Variants in CECR2 observed in about 807,000 individuals in gnomAD.
CECR2 encodes the protein CECR2 histone acetyl-lysine reader.
CECR2 carries 30 observed loss-of-function variants against 154.5 expected under a neutral mutation model. The ratio of observed to expected loss-of-function variants is 0.19; its 90% CI spans 0.15 to 0.26. The LOEUF is 0.26. CECR2 is among the 10% of genes least tolerant of loss of function. The pLI is 1.00. For missense variants in CECR2, 1,743 were observed against 1,829.3 expected, an observed-to-expected ratio of 0.95 and a Z score of 0.86; for synonymous variants, 725 against 683.7, an observed-to-expected ratio of 1.06 and a Z score of -0.94.
chr22:17,374,654 G>A (rs1169580739), intron 1 of CECR2, among the ~76,000 whole-genome samples: 2 of 152,194 alleles, frequency 1.3e-5, no homozygotes, highest in African/African-American at 4.8e-5. Flanking sequence ...CTAGGAGTTA[G>A]GAAACTTGTA....
Position 17,548,811 on chromosome 22 carries a change from G to A in CECR2, c.3524G>A (p.Arg1175Gln), listed in dbSNP as rs777144786. 86 of 1,613,516 alleles carry A rather than the reference G, an allele frequency of 5.3e-5. No individual in the cohort carries two copies. Among genetic ancestry groups the A allele is most frequent in the Admixed American group, 1.8e-4 (11 of 59,976 alleles). ...SNHPHSGGFP[R>Q]YRPPQGMRYS... Reference sequence around the variant, plus strand: ...CACCCACATTCTGGAGGCTTTCCCCGGTATCGCCCCCCACAAGGAATGAGG... The same window carrying A: ...CACCCACATTCTGGAGGCTTTCCCCAGTATCGCCCCCCACAAGGAATGAGG... Residue 1175 changes from arginine to glutamine, a missense_variant, in exon 17 of 19, where the codon CGG becomes CAG. Coordinates refer to ENST00000262608, the MANE Select transcript of CECR2 (RefSeq NM_001290047.2).
Position 17,369,631 on chromosome 22 carries a change from C to T in CECR2, c.-153C>T, listed in dbSNP as rs2063030385. 1 of 146,978 alleles carries T rather than the reference C, an allele frequency of 6.8e-6. No homozygotes were observed. The highest frequency in any genetic ancestry group is 2.4e-5 in the African/African-American group (1 of 40,848). 9.1% of individuals were successfully genotyped at this position (146,978 alleles called of 1,614,324 possible). On this transcript the variant is annotated 5_prime_UTR_variant, in exon 1 of 19. Transcript: ENST00000262608. ...CCCGCCCGGCGCCCGCCCTCGGCTC[C>T]TGCACTCGCCGAGCGGCGGCAGCAG...
chr22:17,532,240 C>T (rs1254484888), intron 9 of CECR2, among the ~76,000 whole-genome samples: 1 of 152,110 alleles, frequency 6.6e-6, no homozygotes, highest in East Asian at 1.9e-4. Flanking sequence ...CCATAACAAC[C>T]TACATTAACC....
In CECR2 at chr22:17,554,686, T is replaced by C. The variant is rs771983755; in HGVS notation, c.*1846T>C. On this transcript the variant is annotated 3_prime_UTR_variant, in exon 19 of 19. Transcript: ENST00000262608. ...AGATTTTCTCTCAGAGAGGTTTTAATTTTAAATTTGATGTATTTGCAAGTG... is the reference window on the plus strand; with the variant it reads ...AGATTTTCTCTCAGAGAGGTTTTAACTTTAAATTTGATGTATTTGCAAGTG... 2 of 152,204 alleles carry C rather than the reference T, an allele frequency of 1.3e-5. No individual in the cohort carries two copies. Among genetic ancestry groups the C allele is most frequent in the Non-Finnish European group, 2.9e-5 (2 of 68,034 alleles). 9.4% of individuals were successfully genotyped at this position (152,204 alleles called of 1,614,324 possible).
At chr22:17,461,407 G>A (rs2054935576) in intron 1 of CECR2, among the ~76,000 whole-genome samples, 1 of 152,090 alleles carries the variant, frequency 6.6e-6, no homozygotes, top group Non-Finnish European at 1.5e-5. Context: ...TTCAAAGATG[G>A]TGGATGCCTC....
At chr22:17,420,841 A>G (rs1291597018) in intron 1 of CECR2, among the ~76,000 whole-genome samples, 1 of 152,134 alleles carries the variant, frequency 6.6e-6, no homozygotes, top group Non-Finnish European at 1.5e-5. Flanking sequence ...AATTTCTCGA[A>G]AAGTTTTAGA....
At chr22:17,382,025 C>T (rs886555108) in intron 1 of CECR2, among the ~76,000 whole-genome samples, 1 of 150,012 alleles carries the variant, frequency 6.7e-6, no homozygotes, top group East Asian at 2.0e-4. Context: ...GTAGCTGGGA[C>T]TACAGGCGCC....
chr22:17,524,074 G>A (rs1402825099), intron 8 of CECR2, 44 bp from the exon 9 acceptor site: 1 of 1,438,974 alleles, frequency 6.9e-7, no homozygotes, highest in South Asian at 1.2e-5. Context: ...AGCTTATCTT[G>A]CATGATTGTG....
intron 8 of CECR2, 107 bp from the exon 9 acceptor site, chr22:17,524,011 C>T (rs946739325): frequency 2.3e-6 from 2 of 851,810 alleles, no homozygotes; most frequent in South Asian, 1.8e-5. Context: ...ATATAAAGTC[C>T]CTAGCTAATA....
chr22:17,401,704 T>C (rs2053894728), intron 1 of CECR2, among the ~76,000 whole-genome samples: 1 of 152,158 alleles, frequency 6.6e-6, no homozygotes, highest in African/African-American at 2.4e-5. Flanking sequence ...GTACTATAGT[T>C]TGTTTATTGA....
intron 1 of CECR2, among the ~76,000 whole-genome samples, chr22:17,421,923 T>C (rs998917590): frequency 6.6e-6 from 1 of 151,670 alleles, no homozygotes; most frequent in Admixed American, 6.6e-5. Flanking sequence ...TCTCCTCAAT[T>C]GTTGTTGCAG....
At chr22:17,492,031 C>T (rs758016857) in intron 2 of CECR2, among the ~76,000 whole-genome samples, 121 of 152,136 alleles carry the variant, frequency 8.0e-4, no homozygotes, top group Non-Finnish European at 1.2e-3. Context: ...TTATAAGCTT[C>T]GAGAATAAAT....
At chr22:17,361,454 G>A (rs566812176) in intron 1 of CECR2, among the ~76,000 whole-genome samples, 160 of 151,080 alleles carry the variant, frequency 1.1e-3, no homozygotes, top group South Asian at 2.1e-4. Flanking sequence ...CAGCCTGGAC[G>A]ACAGAGTGAG....
Position 17,548,678 on chromosome 22 carries a change from G to C in CECR2, c.3391G>C (p.Ala1131Pro). The change falls in exon 17 of 19, where the codon GCC becomes CCC. Residue 1131 changes from alanine to proline, a missense_variant. Physicochemically the swap from Ala to Pro is conservative, Grantham distance 27. This residue lies in a region of CECR2 where 1,250 missense variants were observed against 1,192.1 expected (regional missense o/e 1.05). Transcript: ENST00000262608. ...TGGCCTAGAGTACCCGAATTCAGCT[G>C]CCCATTACCACATCAGTCCAGGCCT... ...MPGLEYPNSAAHYHISPGLQG... is the reference protein window; with the variant it reads ...MPGLEYPNSAPHYHISPGLQG... 6.2e-7 allele frequency: 1 copy of C among 1,613,434 alleles called. No homozygotes were observed. Among genetic ancestry groups the C allele is most frequent in the African/African-American group, 1.3e-5 (1 of 75,020 alleles).
At chr22:17,380,129 G>A (rs1176298773) in intron 1 of CECR2, among the ~76,000 whole-genome samples, 1 of 152,042 alleles carries the variant, frequency 6.6e-6, no homozygotes. Context: ...GGGCATCAGT[G>A]GAGGAGGGGT....
At chr22:17,423,144 G>A (rs574599079) in intron 1 of CECR2, among the ~76,000 whole-genome samples, 2 of 152,104 alleles carry the variant, frequency 1.3e-5, no homozygotes, top group Admixed American at 1.3e-4. Flanking sequence ...GGTGGTGAGG[G>A]GTGGGAAAGC....
rs755724107 is a variant in CECR2, at chr22:17,500,483, A to G, written c.546-148A>G. On this transcript the variant is annotated intron_variant, in intron 4 of 18. Coordinates refer to ENST00000262608, the MANE Select transcript of CECR2 (RefSeq NM_001290047.2). The stretch of plus-strand genomic sequence containing the variant: ...TTTTCCTCAGATCCACAGTCTAATA[A>G]TGAAGACTGGAAGTTGCTGTTCCCT... 48 of 597,090 alleles carry G rather than the reference A, an allele frequency of 8.0e-5. No homozygotes were observed. The Middle Eastern group carries it at 1.4e-3, about 17-fold the overall frequency. The allele number at this position is 597,090 out of a possible 1,614,324, so 37.0% of individuals were successfully genotyped here.
Position 17,372,388 on chromosome 22 carries a change from C to T in CECR2, c.126+2479C>T, listed in dbSNP as rs565812367. On this transcript the variant is annotated intron_variant, in intron 1 of 18. Transcript: ENST00000262608. ...ATTAAGATTTAAGAATGTATTTTCT[C>T]GACTCGGTGGCTCACCCCTGTAATC... Among the ~76,000 whole-genome samples the T allele has an allele frequency of 3.9e-5, 6 of 152,204 alleles. No individual in the cohort carries two copies. In the East Asian group the frequency reaches 1.2e-3, roughly 29 times the overall value.
chr22:17,551,305 T>C (rs990937410), intron 17 of CECR2, among the ~76,000 whole-genome samples: 5 of 152,256 alleles, frequency 3.3e-5, no homozygotes, highest in African/African-American at 1.2e-4. Context: ...GAGTGTCTTT[T>C]AGAGTCGTTT....
Sources: allele counts gnomAD v4.1 joint callset (sites outside exome capture counted in the v4.1 genomes callset), GRCh38; gene constraint gnomAD v4.1.1; regional missense constraint gnomAD v4.1.1; transcripts MANE v1.5; gene names NCBI Gene and HGNC (gene_info 2026-07-23, HGNC 2026-07-21).